The following C19orf67 variants were observed in gnomAD, a reference collection of about 807,000 sequenced individuals.
C19orf67 encodes the protein chromosome 19 open reading frame 67, also known as UPF0575 protein C19orf67.
In C19orf67, 28 loss-of-function variants were observed where a neutral mutation model predicts 41.4. The observed-to-expected ratio is 0.68, with a 90% CI of 0.50 to 0.93. The LOEUF is 0.93. Among genes scored for constraint, C19orf67 ranks in the 40% least tolerant of loss-of-function variants. C19orf67 has a pLI of 0.00. For synonymous variants in C19orf67, 242 were observed against 203.4 expected, an observed-to-expected ratio of 1.19 and a Z score of -1.62; for missense variants, 421 against 467.0, an observed-to-expected ratio of 0.90 and a Z score of 0.91.
In C19orf67 at chr19:14,085,260, C is replaced by T. The variant is rs539451132; in HGVS notation, c.335+33G>A. ...GTCGCCTCCCCTCCAAGTCTCCTTA[C>T]CCATGGGGACCTGGGACCCTGTCCA... On this transcript the variant is annotated intron_variant, in intron 1 of 5. Coordinates refer to ENST00000548523, the MANE Select transcript of C19orf67 (RefSeq NM_001277378.2). 3.4e-5 allele frequency: 52 copies of T among 1,521,920 alleles called. 1 individual carries two copies. In the African/African-American group the frequency reaches 6.2e-4, roughly 18 times the overall value. The allele number at this position is 1,521,920 out of a possible 1,614,324, so 94.3% of individuals were successfully genotyped here.
chr19:14,082,144 A>T (rs1976777731), intron 5 of C19orf67, 136 bp from the exon 6 acceptor site: 1 of 780,730 alleles, frequency 1.3e-6, no homozygotes, highest in Non-Finnish European at 2.0e-6. Context: ...CCCCGGGGGA[A>T]ACTTGTTTCC....
chr19:14,083,125 G>A (rs1048856894), intron 4 of C19orf67, 112 bp downstream of exon 4: 251 of 911,804 alleles, frequency 2.8e-4, no homozygotes, highest in Admixed American at 4.1e-4. Context: ...ACAGGCGTGA[G>A]CCACTGCCTC....
intron 4 of C19orf67, 45 bp from the exon 5 acceptor site, chr19:14,082,648 C>G: frequency 1.3e-6 from 2 of 1,513,186 alleles, no homozygotes; most frequent in Non-Finnish European, 1.8e-6. Flanking sequence ...AGCTTCCTAG[C>G]TACTTCTGTT....
At position 14,081,735 on chromosome 19, in the gene C19orf67, G is replaced by T; in HGVS notation, c.*99C>A. On this transcript the variant is annotated 3_prime_UTR_variant, in exon 6 of 6. Transcript: ENST00000548523. ...AGCTCGGCCTGGCCCTTTGGAAGGC[G>T]AGGCCGGGCTGCACTGCGAGAACGA... 9.0e-7 allele frequency: 1 copy of T among 1,115,208 alleles called. No homozygotes were observed. The highest frequency in any genetic ancestry group is 1.2e-6 in the Non-Finnish European group (1 of 829,386). 69.1% of individuals were successfully genotyped at this position (1,115,208 alleles called of 1,614,324 possible).
In C19orf67 at chr19:14,085,654, G is replaced by T. The variant is rs1210237588; in HGVS notation, c.-27C>A. On this transcript the variant is annotated 5_prime_UTR_variant, in exon 1 of 6. Coordinates refer to ENST00000548523, the MANE Select transcript of C19orf67 (RefSeq NM_001277378.2). Reference sequence around the variant, plus strand: ...GTAGGGCCGGGGGGCGGGAACCTGAGCTCTTTAAGCTTCCGCTGCTGCTCA... The same window carrying T: ...GTAGGGCCGGGGGGCGGGAACCTGATCTCTTTAAGCTTCCGCTGCTGCTCA... The T allele has an allele frequency of 1.4e-6, 2 of 1,474,028 alleles. No homozygotes were observed. The highest frequency in any genetic ancestry group is 2.5e-5 in the East Asian group (1 of 40,594). The allele number at this position is 1,474,028 out of a possible 1,614,324, so 91.3% of individuals were successfully genotyped here.
Position 14,083,784 on chromosome 19 carries a change from C to G in C19orf67, c.429G>C (p.Ala143=). 7.0e-7 allele frequency: 1 copy of G among 1,422,060 alleles called. No individual in the cohort carries two copies. The highest frequency in any genetic ancestry group is 9.2e-7 in the Non-Finnish European group (1 of 1,089,410). 88.1% of individuals were successfully genotyped at this position (1,422,060 alleles called of 1,614,324 possible). A position where few individuals can be genotyped will look rare whatever the true frequency, so the allele number is the denominator to read the frequency against. Residue 143 remains alanine (A), a synonymous_variant, in exon 2 of 6, where the codon GCG becomes GCC. Coordinates refer to ENST00000548523, the MANE Select transcript of C19orf67 (RefSeq NM_001277378.2). ...GTCCATAGATGGGGGGTATGCTTCTCGCGGCTGCCTCCAGGTACAGGAAGT... is the reference window on the plus strand; with the variant it reads ...GTCCATAGATGGGGGGTATGCTTCTGGCGGCTGCCTCCAGGTACAGGAAGT... ...EPYFLYLEAA[A]RSIPPIYGPL... is the part of the protein sequence containing the mutation.
At position 14,082,465 on chromosome 19, in the gene C19orf67, C is replaced by T. The variant is rs1976782871; in HGVS notation, c.902+4G>A. The T allele has an allele frequency of 2.0e-6, 3 of 1,532,542 alleles. No individual in the cohort carries two copies. Among genetic ancestry groups the T allele is most frequent in the Non-Finnish European group, 2.6e-6 (3 of 1,144,738 alleles). The allele number at this position is 1,532,542 out of a possible 1,614,324, so 94.9% of individuals were successfully genotyped here. A position where few individuals can be genotyped will look rare whatever the true frequency, so the allele number is the denominator to read the frequency against. On this transcript the variant is annotated splice_donor_region_variant and intron_variant, in intron 5 of 5. Transcript: ENST00000548523. ...GCCCACGTTGCTATTGCCCTAGCTCCTACCATGAATAAAGGTCATCCTCGG... is the reference window on the plus strand; with the variant it reads ...GCCCACGTTGCTATTGCCCTAGCTCTTACCATGAATAAAGGTCATCCTCGG...
Position 14,082,537 on chromosome 19 carries a change from C to T in C19orf67, c.834G>A (p.Gln278=). 6.5e-7 allele frequency: 1 copy of T among 1,536,392 alleles called. No individual in the cohort carries two copies. The highest frequency in any genetic ancestry group is 8.7e-7 in the Non-Finnish European group (1 of 1,146,936). ...GGCCGATGGACCACAGCTTCTGGATCTGTGGGCACGAATTGGCTGGACTCT... is the reference window on the plus strand; with the variant it reads ...GGCCGATGGACCACAGCTTCTGGATTTGTGGGCACGAATTGGCTGGACTCT... ...TGQSPANSCP[Q]IQKLWSIGRW... The change falls in exon 5 of 6, where the codon CAG becomes CAA. Residue 278 remains glutamine (Q), a synonymous_variant. Transcript: ENST00000548523.
chr19:14,081,636 C>T lies in C19orf67; in HGVS notation c.*198G>A, dbSNP rs1555770170. ...CGCTGAGCCTGTGACCTCTTTCTTTCTTTTATTTAACACAAAACTGACGTG... is the reference window on the plus strand; with the variant it reads ...CGCTGAGCCTGTGACCTCTTTCTTTTTTTTATTTAACACAAAACTGACGTG... On this transcript the variant is annotated 3_prime_UTR_variant, in exon 6 of 6. Transcript: ENST00000548523. 4.6e-5 allele frequency: 20 copies of T among 431,428 alleles called. No homozygotes were observed. Among genetic ancestry groups the T allele is most frequent in the East Asian group, 1.1e-4 (3 of 27,772 alleles). The allele number at this position is 431,428 out of a possible 1,614,324, so 26.7% of individuals were successfully genotyped here.
chr19:14,083,183 T>C, intron 4 of C19orf67, 54 bp downstream of exon 4: 2 of 1,451,520 alleles, frequency 1.4e-6, no homozygotes, highest in Non-Finnish European at 1.9e-6. Flanking sequence ...TGGAGGGTCA[T>C]ATTGGCATTC....
Position 14,082,587 on chromosome 19 carries a change from G to C in C19orf67, c.784C>G (p.Arg262Gly), listed in dbSNP as rs1358106542. ...TGGCCTGTGTCTTCCCAAGTATCTC[G>C]ATAGCACAGAAAGTAGCTAGGAGGG... Reference protein sequence around the residue: ...SLVDYYFLCYRDTWEDTGQSP... With the variant: ...SLVDYYFLCYGDTWEDTGQSP... Residue 262 changes from arginine (R) to glycine (G), a missense_variant, in exon 5 of 6, where the codon CGA becomes GGA. Coordinates refer to ENST00000548523, the MANE Select transcript of C19orf67 (RefSeq NM_001277378.2). 1.3e-6 allele frequency: 2 copies of C among 1,536,186 alleles called. No homozygotes were observed. The highest frequency in any genetic ancestry group is 1.4e-5 in the African/African-American group (1 of 73,010).
chr19:14,085,159 T>C, intron 1 of C19orf67, 134 bp downstream of exon 1: 1 of 678,542 alleles, frequency 1.5e-6, no homozygotes, highest in South Asian at 1.8e-5. Context: ...GATTCTAATA[T>C]GCTAGCTTCT....
At chr19:14,084,025 C>T (rs1976814073) in intron 1 of C19orf67, 148 bp from the exon 2 acceptor site, 2 of 717,226 alleles carry the variant, frequency 2.8e-6, no homozygotes. Context: ...GAACATCTTT[C>T]TGGTTTACCT....
At chr19:14,082,942 T>C (rs1187589241) in intron 4 of C19orf67, among the ~76,000 whole-genome samples, 1 of 151,928 alleles carries the variant, frequency 6.6e-6, no homozygotes, top group Non-Finnish European at 1.5e-5. Context: ...ATTCCTGGGC[T>C]CAAGTGCTCC....
rs553160046 is a variant in C19orf67 at position 14,085,434 on chromosome 19, G to A, written c.194C>T (p.Thr65Met). ...EGRLAEARASTSSPKPLVPRP... is the reference protein window; with the variant it reads ...EGRLAEARASMSSPKPLVPRP... ...GGGGACCAGAGGTTTGGGGGAAGAC[G>A]TGGAGGCCCGGGCCTCAGCCAGCCG... The change falls in exon 1 of 6, where the codon ACG (threonine) becomes ATG (methionine). Residue 65 changes from threonine (T) to methionine (M), a missense_variant. Thr to Met is a moderately conservative substitution (Grantham distance 81, BLOSUM62 -1). Coordinates refer to ENST00000548523, the MANE Select transcript of C19orf67 (RefSeq NM_001277378.2). 400 of 1,535,844 alleles carry A rather than the reference G, an allele frequency of 2.6e-4. No individual in the cohort carries two copies. Among genetic ancestry groups the A allele is most frequent in the Non-Finnish European group, 3.3e-4 (383 of 1,146,814 alleles).
Position 14,085,389 on chromosome 19 carries a change from G to A in C19orf67, c.239C>T (p.Pro80Leu). 1 of 1,536,186 alleles carries A rather than the reference G, an allele frequency of 6.5e-7. No homozygotes were observed. The highest frequency in any genetic ancestry group is 8.7e-7 in the Non-Finnish European group (1 of 1,146,920). ...GAACAAAGTGTCCAGGGATAGGCGG[G>A]GAGGTGCTGGCCCAGGCCGGGGGAC... Reference protein sequence around the residue: ...PLVPRPGPAPPRLSLDTLFSP... With the variant: ...PLVPRPGPAPLRLSLDTLFSP... The change falls in exon 1 of 6, where the codon CCC becomes CTC. Residue 80 changes from proline (P) to leucine (L), a missense_variant. Coordinates refer to ENST00000548523, the MANE Select transcript of C19orf67 (RefSeq NM_001277378.2).
chr19:14,085,703 C>T lies in C19orf67; in HGVS notation c.-76G>A, dbSNP rs540275988. 1.5e-3 allele frequency: 1,711 copies of T among 1,108,452 alleles called. 34 individuals are homozygous for T. The South Asian group carries it at 0.017, about 11-fold the overall frequency. 68.7% of individuals were successfully genotyped at this position (1,108,452 alleles called of 1,614,324 possible). ...CAGGTTGGCCGCGGGTTCGACCCCG[C>T]CCCGGGAGCCTCCGACTGGCCCCTG... is the stretch of plus-strand genomic sequence containing the variant. On this transcript the variant is annotated 5_prime_UTR_variant, in exon 1 of 6. Transcript: ENST00000548523.
chr19:14,082,211 GTC>G (rs1350334661), intron 5 of C19orf67, among the ~76,000 whole-genome samples: 1 of 152,198 alleles, frequency 6.6e-6, no homozygotes, highest in Non-Finnish European at 1.5e-5. Context: ...GTCCTGACCT[GTC>G]CATTCGCTCT....
chr19:14,084,889 G>C (rs909557655), intron 1 of C19orf67, among the ~76,000 whole-genome samples: 6 of 152,148 alleles, frequency 3.9e-5, no homozygotes. Flanking sequence ...AATTCCAATG[G>C]ACACTGAAAT....
Sources: allele counts gnomAD v4.1 joint callset (sites outside exome capture counted in the v4.1 genomes callset), GRCh38; gene constraint gnomAD v4.1.1; transcripts MANE v1.5; gene names NCBI Gene and HGNC (gene_info 2026-07-23, HGNC 2026-07-21).